INSR: variants seen among roughly 807,000 people sequenced by gnomAD.
INSR encodes insulin receptor, also known as IR.
A neutral mutation model predicts 142.6 loss-of-function variants in INSR; 67 were observed. That is an observed-to-expected ratio of 0.47 (90% confidence interval 0.39 to 0.58). The LOEUF (loss-of-function observed/expected upper bound fraction) is 0.58, where lower values mean the gene tolerates loss of function less well. Among genes scored for constraint, INSR ranks in the 20% least tolerant of loss-of-function variants. INSR has a pLI of 0.00. For missense variants in INSR, 1,248 were observed against 1,833.2 expected (o/e 0.68, Z 5.83); for synonymous variants, 756 against 743.1 (o/e 1.02, Z -0.28).
chr19:7,269,475 A>C (rs997195033), intron 1 of INSR, among the ~76,000 whole-genome samples: 1 of 151,132 alleles, frequency 6.6e-6, no homozygotes, highest in Non-Finnish European at 1.5e-5. Flanking sequence ...ACTATGGATT[A>C]ATCTCCACCC....
intron 11 of INSR, among the ~76,000 whole-genome samples, chr19:7,143,304 C>G (rs1973118008): frequency 6.6e-6 from 1 of 152,156 alleles, no homozygotes; most frequent in South Asian, 2.1e-4. Flanking sequence ...TTAGAGCAGG[C>G]CCACCTCGTG....
At chr19:7,254,094 C>T (rs1171212366) in intron 2 of INSR, among the ~76,000 whole-genome samples, 1 of 151,778 alleles carries the variant, frequency 6.6e-6, no homozygotes, top group African/African-American at 2.4e-5. Context: ...ACAGGTCGGC[C>T]TGGTGGCTGA....
chr19:7,250,308 G>A (rs1339904653), intron 2 of INSR, among the ~76,000 whole-genome samples: 5 of 142,712 alleles, frequency 3.5e-5, no homozygotes, highest in Non-Finnish European at 7.6e-5. Flanking sequence ...GGAGGGGAGG[G>A]GAGAAAAATG....
intron 3 of INSR, among the ~76,000 whole-genome samples, chr19:7,181,736 A>AT (rs1031303409): frequency 6.1e-5 from 9 of 148,694 alleles, no homozygotes; most frequent in African/African-American, 1.5e-4. Context: ...TGCCCAGCTA[A>AT]TTTTTTTTTT....
chr19:7,221,614 A>G (rs111507522), intron 2 of INSR, among the ~76,000 whole-genome samples: 6,510 of 151,282 alleles, frequency 0.043, 179 homozygotes, highest in Non-Finnish European at 0.07. Flanking sequence ...ACGCTGAGGC[A>G]GGAGAATCGC....
intron 13 of INSR, among the ~76,000 whole-genome samples, chr19:7,133,208 G>A (rs1204464710): frequency 2.0e-5 from 3 of 152,142 alleles, no homozygotes; most frequent in Non-Finnish European, 4.4e-5. Flanking sequence ...GGTGCAGTGA[G>A]CTATGAAGGC....
In INSR at chr19:7,262,376, G is replaced by A. The variant is rs927372955; in HGVS notation, c.652+4969C>T. Among the ~76,000 whole-genome samples, 8 of 152,336 alleles carry A rather than the reference G, an allele frequency of 5.3e-5. No homozygotes were observed. In the East Asian group the frequency reaches 1.5e-3, roughly 29 times the overall value. On this transcript the variant is annotated intron_variant, in intron 2 of 21. Transcript: ENST00000302850. ...AATCCGAGCCACGCGGGAGGCTGAG[G>A]CAGGAGAATCGCTTGAACCCGGGAG...
chr19:7,124,541 GAAAAAA>G (rs531613079), intron 17 of INSR, among the ~76,000 whole-genome samples: 1 of 9,924 alleles, frequency 1.0e-4, no homozygotes, highest in Admixed American at 2.2e-3. Context: ...TCCGTTTCAG[GAAAAAA>G]AAAAAAAAAA....
Position 7,293,921 on chromosome 19 carries a change from C to A in INSR, c.-30G>T. The A allele has an allele frequency of 8.4e-7, 1 of 1,184,328 alleles. No individual in the cohort carries two copies. The highest frequency in any genetic ancestry group is 1.0e-6 in the Non-Finnish European group (1 of 961,166). 73.4% of individuals were successfully genotyped at this position (1,184,328 alleles called of 1,614,324 possible). On this transcript the variant is annotated 5_prime_UTR_variant, in exon 1 of 22. The change abolishes the stop of an existing upstream ORF in the 5' untranslated region. Coordinates refer to ENST00000302850, the MANE Select transcript of INSR (RefSeq NM_000208.4). Reference sequence around the variant, plus strand: ...GCGGGAGCGCGGGGTCTCCTCGGATCAGAGCGCGCGGCGCTGGCCCGCGGG... The same window carrying A: ...GCGGGAGCGCGGGGTCTCCTCGGATAAGAGCGCGCGGCGCTGGCCCGCGGG...
intron 14 of INSR, among the ~76,000 whole-genome samples, chr19:7,130,468 G>A (rs1462769548): frequency 6.6e-6 from 1 of 152,204 alleles, no homozygotes; most frequent in Non-Finnish European, 1.5e-5. Context: ...TTGGAGGAGT[G>A]GCCGGGTGGG....
intron 2 of INSR, among the ~76,000 whole-genome samples, chr19:7,203,365 A>G (rs1330241673): frequency 1.3e-5 from 2 of 152,186 alleles, no homozygotes; most frequent in African/African-American, 4.8e-5. Flanking sequence ...AAATTTAGCC[A>G]CACGTTGAAG....
intron 1 of INSR, among the ~76,000 whole-genome samples, chr19:7,288,824 G>A (rs1234421321): frequency 1.3e-5 from 2 of 151,628 alleles, no homozygotes; most frequent in African/African-American, 2.4e-5. Context: ...CTAGCCAGGC[G>A]GGGTGGCACA....
At chr19:7,263,309 A>G (rs1216246131) in intron 2 of INSR, among the ~76,000 whole-genome samples, 1 of 152,090 alleles carries the variant, frequency 6.6e-6, no homozygotes, top group East Asian at 1.9e-4. Context: ...TGAAAAATTT[A>G]TTCTATGTGT....
At chr19:7,202,197 G>A (rs1289642611) in intron 2 of INSR, among the ~76,000 whole-genome samples, 1 of 152,172 alleles carries the variant, frequency 6.6e-6, no homozygotes, top group Admixed American at 6.6e-5. Context: ...TTTCACGTGG[G>A]TTGTGGCCAC....
At chr19:7,127,085 AC>A (rs1315418563) in intron 15 of INSR, among the ~76,000 whole-genome samples, 1 of 152,070 alleles carries the variant, frequency 6.6e-6, no homozygotes, top group East Asian at 1.9e-4. Context: ...TTTCATATAG[AC>A]AGGGTCTCAC....
chr19:7,169,591 A>AAAAAAAAG (rs973305528), intron 6 of INSR, among the ~76,000 whole-genome samples: 3 of 151,658 alleles, frequency 2.0e-5, no homozygotes, highest in South Asian at 2.1e-4. Context: ...AAAAAAAAAA[A>AAAAAAAAG]AAAAAAAGAA....
intron 13 of INSR, among the ~76,000 whole-genome samples, chr19:7,138,863 A>G (rs1012060172): frequency 3.0e-4 from 46 of 152,142 alleles, no homozygotes; most frequent in African/African-American, 1.0e-3. Flanking sequence ...ATTAATACAT[A>G]TAGGATAATA....
intron 1 of INSR, among the ~76,000 whole-genome samples, chr19:7,287,673 G>T (rs575562852): frequency 6.6e-6 from 1 of 152,126 alleles, no homozygotes; most frequent in African/African-American, 2.4e-5. Flanking sequence ...CGTATATTCA[G>T]TGCAGCAAAT....
chr19:7,274,351 C>T (rs1455671032), intron 1 of INSR, among the ~76,000 whole-genome samples: 1 of 151,806 alleles, frequency 6.6e-6, no homozygotes, highest in Non-Finnish European at 1.5e-5. Flanking sequence ...CTGTGCAGCC[C>T]AGCTCCTAAC....
Sources: allele counts gnomAD v4.1 joint callset (sites outside exome capture counted in the v4.1 genomes callset), GRCh38; gene constraint gnomAD v4.1.1; transcripts MANE v1.5; gene names NCBI Gene and HGNC (gene_info 2026-07-23, HGNC 2026-07-21).